Variants in TSPAN18 observed in about 807,000 individuals in gnomAD.
TSPAN18 encodes the protein tetraspanin 18.
Under a neutral mutation model 27.3 loss-of-function variants are expected in TSPAN18, and 14 were observed. That is an observed-to-expected ratio of 0.51 (90% CI 0.34 to 0.80). The LOEUF (loss-of-function observed/expected upper bound fraction) is 0.80. Ranked by LOEUF, TSPAN18 falls within the 30% of genes least tolerant of loss-of-function variation. The pLI is 0.01. For missense variants in TSPAN18, 268 were observed against 323.9 expected, an observed-to-expected ratio of 0.83 and a Z score of 1.32; for synonymous variants, 143 against 136.5, an observed-to-expected ratio of 1.05 and a Z score of -0.33.
intron 2 of TSPAN18, among the ~76,000 whole-genome samples, chr11:44,797,869 A>C (rs1856385933): frequency 6.6e-6 from 1 of 152,148 alleles, no homozygotes; most frequent in Admixed American, 6.5e-5. Flanking sequence ...CTTGGCCCTA[A>C]ACAGTTGCTC....
intron 3 of TSPAN18, among the ~76,000 whole-genome samples, chr11:44,878,468 G>A (rs1858401123): frequency 6.6e-6 from 1 of 152,132 alleles, no homozygotes; most frequent in Admixed American, 6.5e-5. Flanking sequence ...GAAAGAATAA[G>A]GGAGTGAAAC....
chr11:44,762,517 G>C (rs563033373), intron 1 of TSPAN18, among the ~76,000 whole-genome samples: 111 of 152,326 alleles, frequency 7.3e-4, no homozygotes, highest in Middle Eastern at 3.4e-3. Flanking sequence ...TGTTAAACAG[G>C]ATGGCTGGTA....
intron 2 of TSPAN18, among the ~76,000 whole-genome samples, chr11:44,784,088 G>A (rs185499666): frequency 4.2e-4 from 64 of 152,246 alleles, no homozygotes; most frequent in African/African-American, 1.5e-3. Context: ...GGGTAAAAAT[G>A]CAAGTCATCC....
intron 3 of TSPAN18, among the ~76,000 whole-genome samples, chr11:44,876,198 G>C (rs1367290137): frequency 6.6e-6 from 1 of 152,184 alleles, no homozygotes; most frequent in Non-Finnish European, 1.5e-5. Context: ...GTGCCCCGGG[G>C]ACTGGGAGAA....
intron 9 of TSPAN18, 122 bp downstream of exon 9, chr11:44,926,879 G>C (rs184592177): frequency 4.2e-5 from 43 of 1,025,826 alleles, no homozygotes; most frequent in Non-Finnish European, 5.9e-5. Flanking sequence ...GGCCCCCACT[G>C]TGGGTGCTAT....
At chr11:44,927,735 A>G (rs2135386912) in intron 9 of TSPAN18, among the ~76,000 whole-genome samples, 1 of 152,316 alleles carries the variant, frequency 6.6e-6, no homozygotes, top group African/African-American at 2.4e-5. Context: ...GGGAAATCTC[A>G]GGGACGTGTC....
At chr11:44,823,321 T>C (rs1856966521) in intron 2 of TSPAN18, among the ~76,000 whole-genome samples, 1 of 152,098 alleles carries the variant, frequency 6.6e-6, no homozygotes, top group Non-Finnish European at 1.5e-5. Context: ...AGGGTGAGGA[T>C]GGGTGGAGAA....
At chr11:44,883,490 C>A (rs1858552061) in intron 3 of TSPAN18, among the ~76,000 whole-genome samples, 1 of 152,224 alleles carries the variant, frequency 6.6e-6, no homozygotes, top group South Asian at 2.1e-4. Context: ...TTCACAATGA[C>A]CTGTGAGGTT....
At chr11:44,898,425 G>A (rs967461100) in intron 3 of TSPAN18, among the ~76,000 whole-genome samples, 5 of 152,252 alleles carry the variant, frequency 3.3e-5, no homozygotes, top group African/African-American at 1.2e-4. Context: ...CTGGATCTAA[G>A]TCAGCACTTA....
intron 2 of TSPAN18, among the ~76,000 whole-genome samples, chr11:44,803,646 G>A (rs11038153): frequency 0.24 from 36,254 of 152,056 alleles, 4,869 homozygotes; most frequent in East Asian, 0.5. Flanking sequence ...TGGAGCAGGG[G>A]ACACTGGGGT....
chr11:44,867,362 G>A (rs1858065363), intron 3 of TSPAN18, among the ~76,000 whole-genome samples: 1 of 144,854 alleles, frequency 6.9e-6, no homozygotes, highest in Admixed American at 6.9e-5. Context: ...GAAGGGGGAG[G>A]TACTGGAGAA....
At chr11:44,771,583 C>G (rs554006351) in intron 2 of TSPAN18, among the ~76,000 whole-genome samples, 9 of 152,274 alleles carry the variant, frequency 5.9e-5, no homozygotes, top group Admixed American at 4.6e-4. Context: ...GCTGGATATA[C>G]AGATAGGATA....
At chr11:44,826,767 C>A (rs1241158376) in intron 2 of TSPAN18, among the ~76,000 whole-genome samples, 1 of 152,216 alleles carries the variant, frequency 6.6e-6, no homozygotes, top group East Asian at 1.9e-4. Flanking sequence ...TGGATAGACA[C>A]ACACAGGGGT....
intron 3 of TSPAN18, among the ~76,000 whole-genome samples, chr11:44,890,791 T>C (rs568891993): frequency 6.7e-6 from 1 of 149,996 alleles, no homozygotes; most frequent in Non-Finnish European, 1.5e-5. Flanking sequence ...AAAATGATGA[T>C]AGTTATTAGA....
At chr11:44,913,898 A>G (rs1333757989) in intron 5 of TSPAN18, among the ~76,000 whole-genome samples, 1 of 152,276 alleles carries the variant, frequency 6.6e-6, no homozygotes, top group African/African-American at 2.4e-5. Flanking sequence ...GAATTCCCCA[A>G]AGGACTTTAA....
intron 1 of TSPAN18, among the ~76,000 whole-genome samples, chr11:44,731,126 G>C (rs1256333399): frequency 2.0e-5 from 3 of 152,200 alleles, no homozygotes; most frequent in African/African-American, 4.8e-5. Flanking sequence ...GGGCAAGTGT[G>C]TACAAAAGGC....
At chr11:44,921,156 A>G (rs1860119302) in intron 8 of TSPAN18, among the ~76,000 whole-genome samples, 1 of 152,120 alleles carries the variant, frequency 6.6e-6, no homozygotes, top group Non-Finnish European at 1.5e-5. Context: ...GCCTTCCTGC[A>G]TTGGGGGAAA....
chr11:44,889,246 G>A (rs886524385), intron 3 of TSPAN18, among the ~76,000 whole-genome samples: 1 of 152,252 alleles, frequency 6.6e-6, no homozygotes, highest in Admixed American at 6.5e-5. Flanking sequence ...GATAAGGCCA[G>A]TCCTGCAAGG....
chr11:44,728,352 A>G (rs1367372380), intron 1 of TSPAN18, among the ~76,000 whole-genome samples: 1 of 152,234 alleles, frequency 6.6e-6, no homozygotes, highest in Non-Finnish European at 1.5e-5. Context: ...GGGTTGGGGA[A>G]TTAACTTTTT....
Sources: allele counts gnomAD v4.1 joint callset (sites outside exome capture counted in the v4.1 genomes callset), GRCh38; gene constraint gnomAD v4.1.1; transcripts MANE v1.5; gene names NCBI Gene and HGNC (gene_info 2026-07-23, HGNC 2026-07-21).